FOXP4: variants seen among roughly 807,000 people sequenced by gnomAD.
FOXP4 encodes forkhead box protein P4.
FOXP4 carries 25 observed loss-of-function variants against 82.6 expected under a neutral mutation model. The ratio of observed to expected loss-of-function variants is 0.30; its 90% confidence interval spans 0.22 to 0.42. The LOEUF is 0.42. Among genes scored for constraint, FOXP4 ranks in the 10% least tolerant of loss-of-function variants. FOXP4 has a pLI of 1.00. For synonymous variants in FOXP4, 415 were observed against 388.2 expected (o/e 1.07, Z -0.81); for missense variants, 785 against 900.9 (o/e 0.87, Z 1.65).
In FOXP4 at chr6:41,593,248, C is replaced by G. The variant is rs941712862; in HGVS notation, c.1537-1622C>G. Among the ~76,000 whole-genome samples the G allele has an allele frequency of 3.9e-5, 6 of 152,216 alleles. No individual in the cohort carries two copies. Among genetic ancestry groups the G allele is most frequent in the Non-Finnish European group, 8.8e-5 (6 of 68,042 alleles). ...CCGAATTATTTGTGCTTTCTTCTTTCCCTTCTTCACCTTTGCTGGCTCCCA... is the reference window on the plus strand; with the variant it reads ...CCGAATTATTTGTGCTTTCTTCTTTGCCTTCTTCACCTTTGCTGGCTCCCA... On this transcript the variant is annotated intron_variant, in intron 13 of 16. Coordinates refer to ENST00000307972, the MANE Select transcript of FOXP4 (RefSeq NM_001012426.2). This position sits in a 1 kb window ranked among gnomAD's most constrained non-coding sequence, Gnocchi z 4.1.
Position 41,589,868 on chromosome 6 carries a change from C to T in FOXP4, c.1149+14C>T. ...TTCAGCCAGCCAGTGAGTGCTGCTC[C>T]CCTCCCCGCCCCTCCCAGAGCCTTC... On this transcript the variant is annotated intron_variant, in intron 10 of 16. Coordinates refer to ENST00000307972, the MANE Select transcript of FOXP4 (RefSeq NM_001012426.2). The T allele has an allele frequency of 1.2e-6, 2 of 1,610,340 alleles. No homozygotes were observed. The highest frequency in any genetic ancestry group is 1.7e-6 in the Non-Finnish European group (2 of 1,179,506).
chr6:41,595,462 G>A (rs896693010), intron 14 of FOXP4, among the ~76,000 whole-genome samples: 3 of 152,264 alleles, frequency 2.0e-5, no homozygotes, highest in African/African-American at 7.2e-5. Flanking sequence ...GCTGGCAGGA[G>A]GCCCCAGAGC....
In FOXP4 at chr6:41,594,702, C is replaced by T. The variant is rs543589233; in HGVS notation, c.1537-168C>T. Among the ~76,000 whole-genome samples, 13 of 152,236 alleles carry T rather than the reference C, an allele frequency of 8.5e-5. No individual in the cohort carries two copies. In the South Asian group the frequency reaches 1.5e-3, roughly 17 times the overall value. ...TGGCTCTATGGAAAGGGTAGGGGCCCGCCTTCCCTTTGGCTGGGTCTCCTC... is the reference window on the plus strand; with the variant it reads ...TGGCTCTATGGAAAGGGTAGGGGCCTGCCTTCCCTTTGGCTGGGTCTCCTC... On this transcript the variant is annotated intron_variant, in intron 13 of 16. Coordinates refer to ENST00000307972, the MANE Select transcript of FOXP4 (RefSeq NM_001012426.2).
chr6:41,563,270 G>C (rs1287908068), intron 1 of FOXP4, among the ~76,000 whole-genome samples: 1 of 152,204 alleles, frequency 6.6e-6, no homozygotes, highest in African/African-American at 2.4e-5. Context: ...TCCCGACTCT[G>C]CTTCCAGCCA....
intron 2 of FOXP4, 107 bp from the exon 3 acceptor site, chr6:41,577,879 C>T (rs1765573869): frequency 1.3e-6 from 1 of 757,650 alleles, no homozygotes; most frequent in South Asian, 1.7e-5. Context: ...CCCCCAAGAC[C>T]TTCCACCTTA....
In FOXP4 at chr6:41,599,153, G is replaced by C. The variant is rs1767071399; in HGVS notation, c.*217G>C. 3.4e-6 allele frequency: 2 copies of C among 585,338 alleles called. No individual in the cohort carries two copies. The highest frequency in any genetic ancestry group is 5.8e-6 in the Non-Finnish European group (2 of 344,098). The allele number at this position is 585,338 out of a possible 1,614,324, so 36.3% of individuals were successfully genotyped here. ...GGACACAACCCCTGGTCTTGGACCA[G>C]TAGAGGACACGGAGGGTTCAGACCC... On this transcript the variant is annotated 3_prime_UTR_variant, in exon 17 of 17. Transcript: ENST00000307972.
chr6:41,561,894 C>G (rs1020994837), intron 1 of FOXP4, among the ~76,000 whole-genome samples: 1 of 152,162 alleles, frequency 6.6e-6, no homozygotes, highest in Non-Finnish European at 1.5e-5. Flanking sequence ...GAGCCCAGGC[C>G]CCTGCCTGCT....
At chr6:41,566,133 G>A (rs1469537183) in intron 2 of FOXP4, among the ~76,000 whole-genome samples, 169 bp downstream of exon 2, 1 of 152,164 alleles carries the variant, frequency 6.6e-6, no homozygotes, top group East Asian at 1.9e-4. Context: ...CATTCTGGTG[G>A]CCACCTTGAG....
chr6:41,575,352 TC>T lies in FOXP4; in HGVS notation c.205-2630del, dbSNP rs565999272. On this transcript the variant is annotated intron_variant, in intron 2 of 16. Transcript: ENST00000307972. The stretch of plus-strand genomic sequence containing the variant: ...AGAGGCCACATTCTGTTTCTGTGTA[TC>T]CCCAGCCCCTAGCCTGGTCCCTGGC... Among the ~76,000 whole-genome samples, 28 of 152,256 alleles carry T rather than the reference TC, an allele frequency of 1.8e-4. No homozygotes were observed. In the South Asian group the frequency reaches 4.6e-3, roughly 25 times the overall value.
rs201169517 is a variant in FOXP4, at chr6:41,596,443, C to T, written c.1659-733C>T. On this transcript the variant is annotated intron_variant, in intron 14 of 16. Transcript: ENST00000307972. ...TGCTTACCAGGCAGGAGCCTTTGCA[C>T]CCCAGGCAGTGTGCAGCCTGGAGAA... Among the ~76,000 whole-genome samples the T allele has an allele frequency of 2.0e-5, 3 of 152,200 alleles. No homozygotes were observed. In the East Asian group the frequency reaches 5.8e-4, roughly 29 times the overall value.
At position 41,599,237 on chromosome 6, in the gene FOXP4, G is replaced by T. The variant is rs1767076252; in HGVS notation, c.*301G>T. 1 of 251,292 alleles carries T rather than the reference G, an allele frequency of 4.0e-6. No individual in the cohort carries two copies. The highest frequency in any genetic ancestry group is 7.8e-5 in the East Asian group (1 of 12,802). The allele number at this position is 251,292 out of a possible 1,614,324, so 15.6% of individuals were successfully genotyped here. A position where few individuals can be genotyped will look rare whatever the true frequency, so the allele number is the denominator to read the frequency against. ...CCCCCCAACCACCAGCAGCAGCAGG[G>T]CCCTCCTCCCCCACCAGCTCTCCCC... On this transcript the variant is annotated 3_prime_UTR_variant, in exon 17 of 17. Transcript: ENST00000307972.
chr6:41,572,980 G>A (rs1765281940), intron 2 of FOXP4, among the ~76,000 whole-genome samples: 1 of 151,958 alleles, frequency 6.6e-6, no homozygotes, highest in Non-Finnish European at 1.5e-5. Flanking sequence ...CCCACTACTG[G>A]GCCATGAGCA....
chr6:41,580,798 C>G (rs1765755042), intron 3 of FOXP4, among the ~76,000 whole-genome samples: 1 of 152,150 alleles, frequency 6.6e-6, no homozygotes, highest in South Asian at 2.1e-4. Context: ...GAAGGGAGAT[C>G]AAGCGCAGCT....
chr6:41,584,919 C>G, intron 4 of FOXP4, 28 bp downstream of exon 4: 1 of 1,589,684 alleles, frequency 6.3e-7, no homozygotes, highest in Non-Finnish European at 8.6e-7. Context: ...GCAGCTGGTC[C>G]CTCCTCCTCT....
chr6:41,594,369 G>T (rs900208475), intron 13 of FOXP4, among the ~76,000 whole-genome samples: 48 of 152,166 alleles, frequency 3.2e-4, no homozygotes, highest in African/African-American at 1.2e-3. Flanking sequence ...GACTCCTGTG[G>T]GTCAGTGGAG....
At position 41,547,734 on chromosome 6, in the gene FOXP4, G is replaced by C. The variant is rs1030206560; in HGVS notation, c.-17+867G>C. ...GGGGGAAGAGAGGGCGGCCACGGGG[G>C]CCCGGAGGCCACCAGGGAAGGAGCC... On this transcript the variant is annotated intron_variant, in intron 1 of 16. Transcript: ENST00000307972. Among the ~76,000 whole-genome samples the C allele has an allele frequency of 2.0e-5, 3 of 151,952 alleles. No individual in the cohort carries two copies. In the East Asian group the frequency reaches 5.9e-4, roughly 30 times the overall value.
chr6:41,575,259 C>G (rs1190719005), intron 2 of FOXP4, among the ~76,000 whole-genome samples: 1 of 152,218 alleles, frequency 6.6e-6, no homozygotes, highest in African/African-American at 2.4e-5. Flanking sequence ...TGAGCCACTG[C>G]GCCTGGCTAT....
intron 1 of FOXP4, among the ~76,000 whole-genome samples, chr6:41,553,921 G>C (rs918059620): frequency 3.3e-5 from 5 of 152,226 alleles, no homozygotes; most frequent in African/African-American, 1.2e-4. Flanking sequence ...CATTTTCAAG[G>C]ACACTTGGAA....
In FOXP4 at chr6:41,565,786, C is replaced by T. The variant is rs1425574024; in HGVS notation, c.26C>T (p.Thr9Ile). MMVESASE[T>I]IRSAPSGQNG... ...ATGATGGTGGAATCTGCCTCGGAGA[C>T]AATCAGGTCGGCTCCATCTGGTCAG... The change falls in exon 2 of 17, where the codon ACA becomes ATA. Residue 9 changes from threonine (T) to isoleucine (I), a missense_variant. Transcript: ENST00000307972. The T allele has an allele frequency of 1.2e-6, 2 of 1,608,962 alleles. No individual in the cohort carries two copies. The highest frequency in any genetic ancestry group is 1.1e-5 in the South Asian group (1 of 90,770).
Sources: gnomAD v4.1 joint callset for allele counts (sites outside exome capture counted in the v4.1 genomes callset) on GRCh38, gnomAD v4.1.1 for gene constraint, Gnocchi (gnomAD v3.1) non-coding constraint, MANE v1.5 for transcripts, NCBI Gene and HGNC (gene_info 2026-07-23, HGNC 2026-07-21) for gene names.